The following GLT8D2 variants were observed in gnomAD, a reference collection of about 807,000 sequenced individuals.
GLT8D2 encodes glycosyltransferase 8 domain containing 2.
A neutral mutation model predicts 44.5 loss-of-function variants in GLT8D2; 45 were observed. The observed-to-expected ratio is 1.01, with a 90% CI of 0.80 to 1.30. The LOEUF (loss-of-function observed/expected upper bound fraction) is 1.30, where lower values mean the gene tolerates loss of function less well. Among genes scored for constraint, GLT8D2 ranks in the 50% most tolerant of loss-of-function variants. GLT8D2 has a pLI of 0.00. For missense variants in GLT8D2, 400 were observed against 430.4 expected, an observed-to-expected ratio of 0.93 and a Z score of 0.62; for synonymous variants, 156 against 157.2, an observed-to-expected ratio of 0.99 and a Z score of 0.06.
intron 1 of GLT8D2, among the ~76,000 whole-genome samples, chr12:104,043,231 A>G (rs1201218521): frequency 2.0e-5 from 3 of 152,018 alleles, no homozygotes; most frequent in African/African-American, 4.8e-5. Flanking sequence ...TTCTTTCTCT[A>G]AACTCCCTCC....
chr12:103,996,987 T>TTTTAA, intron 7 of GLT8D2, 140 bp from the exon 8 acceptor site: 1 of 603,340 alleles, frequency 1.7e-6, no homozygotes, highest in Non-Finnish European at 2.9e-6. Context: ...TGACTATTTA[T>TTTTAA]TTATTAAGAG....
At chr12:104,045,308 C>T (rs973272262) in intron 1 of GLT8D2, among the ~76,000 whole-genome samples, 2 of 152,194 alleles carry the variant, frequency 1.3e-5, no homozygotes, top group Non-Finnish European at 1.5e-5. Context: ...AACTGTGCCC[C>T]TTACACCTCT....
intron 1 of GLT8D2, among the ~76,000 whole-genome samples, chr12:104,034,667 G>A (rs1034688184): frequency 3.3e-5 from 5 of 152,368 alleles, no homozygotes; most frequent in African/African-American, 1.2e-4. Flanking sequence ...GCCCACCACA[G>A]CTCCGCAAAG....
intron 1 of GLT8D2, among the ~76,000 whole-genome samples, chr12:104,026,306 G>A (rs891045765): frequency 6.6e-6 from 1 of 150,410 alleles, no homozygotes; most frequent in Non-Finnish European, 1.5e-5. Flanking sequence ...ATTCAATAAT[G>A]TTCTCAGAGT....
Position 103,990,945 on chromosome 12 carries a change from T to TA in GLT8D2, c.881-1369dup, listed in dbSNP as rs557848855. Among the ~76,000 whole-genome samples, 7 of 152,324 alleles carry TA rather than the reference T, an allele frequency of 4.6e-5. No individual in the cohort carries two copies. The East Asian group carries it at 1.3e-3, about 29-fold the overall frequency. On this transcript the variant is annotated intron_variant, in intron 10 of 10. Coordinates refer to ENST00000360814, the MANE Select transcript of GLT8D2 (RefSeq NM_001384711.1). The stretch of plus-strand genomic sequence containing the variant: ...TTTAGCTAAATATATTTTGTAAATT[T>TA]AAAAAATCTTAAGCCTGCCTGTTTA...
intron 4 of GLT8D2, among the ~76,000 whole-genome samples, chr12:104,012,407 T>C (rs966711472): frequency 6.6e-6 from 1 of 152,130 alleles, no homozygotes; most frequent in Non-Finnish European, 1.5e-5. Context: ...GATCCATTCA[T>C]GCGGTCCAAA....
chr12:104,061,371 G>A (rs1379741447), intron 1 of GLT8D2, among the ~76,000 whole-genome samples: 6 of 152,078 alleles, frequency 3.9e-5, no homozygotes, highest in Admixed American at 1.3e-4. Context: ...GGGTTGGAAC[G>A]TTTGATTTTT....
chr12:104,010,288 G>A (rs1875663329), intron 4 of GLT8D2, among the ~76,000 whole-genome samples: 1 of 152,088 alleles, frequency 6.6e-6, no homozygotes, highest in East Asian at 1.9e-4. Flanking sequence ...AAGCCCTCGT[G>A]GTTCCCTGAA....
At chr12:104,046,892 G>A (rs986570891) in intron 1 of GLT8D2, among the ~76,000 whole-genome samples, 1 of 151,596 alleles carries the variant, frequency 6.6e-6, no homozygotes, top group African/African-American at 2.4e-5. Flanking sequence ...TGGCATGATC[G>A]TAGCTTACTA....
At chr12:104,003,540 G>C (rs905045429) in intron 4 of GLT8D2, among the ~76,000 whole-genome samples, 7 of 152,202 alleles carry the variant, frequency 4.6e-5, no homozygotes, top group African/African-American at 1.7e-4. Flanking sequence ...ATATGATCAA[G>C]TTCTGACCAA....
chr12:104,050,995 A>G (rs1328969619), upstream of GLT8D2, among the ~76,000 whole-genome samples: 1 of 151,492 alleles, frequency 6.6e-6, no homozygotes, highest in Non-Finnish European at 1.5e-5. Flanking sequence ...TTGTATTTTT[A>G]GTAGAGATGG....
intron 2 of GLT8D2, among the ~76,000 whole-genome samples, chr12:104,020,464 C>T (rs1351341734): frequency 2.0e-5 from 3 of 152,282 alleles, no homozygotes; most frequent in South Asian, 2.1e-4. Context: ...TATTGAGATC[C>T]TACTAAAAGC....
chr12:104,038,021 T>A (rs1485038309), intron 1 of GLT8D2, among the ~76,000 whole-genome samples: 2 of 152,178 alleles, frequency 1.3e-5, no homozygotes, highest in African/African-American at 4.8e-5. Flanking sequence ...ATCCATCACA[T>A]AAACAGAACC....
Position 103,993,384 on chromosome 12 carries a change from A to G in GLT8D2, c.880+8T>C. The G allele has an allele frequency of 6.3e-7, 1 of 1,596,602 alleles. No homozygotes were observed. On this transcript the variant is annotated splice_region_variant and intron_variant, in intron 10 of 10. Transcript: ENST00000360814. ...CGTTTTTCTAAACAGTTTTTCTGAA[A>G]TACTTACCCAGGTGCCTTATGTGCC... is the stretch of plus-strand genomic sequence containing the variant.
intron 1 of GLT8D2, among the ~76,000 whole-genome samples, chr12:104,029,288 CA>C (rs148274068): frequency 3.4e-5 from 5 of 146,212 alleles, no homozygotes; most frequent in African/African-American, 7.6e-5. Flanking sequence ...GACTCCATCT[CA>C]AAAAAAAAAG....
chr12:104,049,993 G>C lies in GLT8D2; in HGVS notation c.-262C>G, dbSNP rs1481639696. The C allele has an allele frequency of 1.3e-5, 2 of 152,498 alleles. No homozygotes were observed. The highest frequency in any genetic ancestry group is 2.9e-5 in the Non-Finnish European group (2 of 68,238). 9.4% of individuals were successfully genotyped at this position (152,498 alleles called of 1,614,324 possible). On this transcript the variant is annotated 5_prime_UTR_variant, in exon 1 of 11. Coordinates refer to ENST00000360814, the MANE Select transcript of GLT8D2 (RefSeq NM_001384711.1). ...GCTGGCCCTGGGCTGCCGCCCTCAC[G>C]CTGCTTCGGCTGCTTCTAAGATCCC...
intron 2 of GLT8D2, 126 bp from the exon 3 acceptor site, chr12:104,019,802 C>T (rs1044694891): frequency 9.0e-6 from 5 of 553,650 alleles, no homozygotes; most frequent in South Asian, 3.0e-5. Context: ...TTTTTTACTG[C>T]TCCAAATCTA....
intron 6 of GLT8D2, among the ~76,000 whole-genome samples, 191 bp from the exon 7 acceptor site, chr12:103,997,726 G>A (rs887100076): frequency 2.6e-5 from 4 of 152,138 alleles, no homozygotes; most frequent in Admixed American, 2.0e-4. Flanking sequence ...TGGGGCTGAA[G>A]CCAGCGCTGA....
At chr12:104,005,047 G>C (rs1374228161) in intron 4 of GLT8D2, among the ~76,000 whole-genome samples, 1 of 152,052 alleles carries the variant, frequency 6.6e-6, no homozygotes, top group African/African-American at 2.4e-5. Context: ...TAGACCAATG[G>C]AACAGAACAG....
Sources: gnomAD v4.1 joint callset for allele counts (sites outside exome capture counted in the v4.1 genomes callset) on GRCh38, gnomAD v4.1.1 for gene constraint, MANE v1.5 for transcripts, NCBI Gene and HGNC (gene_info 2026-07-23, HGNC 2026-07-21) for gene names.